Variants in PREPL observed in about 807,000 individuals in gnomAD.
PREPL encodes prolyl endopeptidase-like.
PREPL carries 77 observed loss-of-function variants against 70.6 expected under a neutral mutation model. The ratio of observed to expected loss-of-function variants is 1.09; its 90% confidence interval spans 0.91 to 1.32. PREPL has a LOEUF of 1.32. PREPL is among the 40% of genes most tolerant of loss of function. The pLI is 0.00. For synonymous variants in PREPL, 315 were observed against 264.8 expected (o/e 1.19, Z -1.84); for missense variants, 1,002 against 778.2 (o/e 1.29, Z -3.42).
At chr2:44,323,934 C>T (rs915086972) in intron 10 of PREPL, among the ~76,000 whole-genome samples, 9 of 152,054 alleles carry the variant, frequency 5.9e-5, no homozygotes, top group African/African-American at 2.2e-4. Flanking sequence ...GCATATAATC[C>T]CCAAAACTGA....
At chr2:44,334,122 C>G (rs1674397710) in intron 7 of PREPL, among the ~76,000 whole-genome samples, 1 of 152,172 alleles carries the variant, frequency 6.6e-6, no homozygotes, top group African/African-American at 2.4e-5. Context: ...CCAGCTAATG[C>G]AGATATAAGT....
chr2:44,333,863 C>G (rs1674370691), intron 7 of PREPL, among the ~76,000 whole-genome samples: 1 of 152,126 alleles, frequency 6.6e-6, no homozygotes, highest in Non-Finnish European at 1.5e-5. Flanking sequence ...TGCTACAAAC[C>G]TCATAACCAG....
intron 1 of PREPL, among the ~76,000 whole-genome samples, chr2:44,350,890 T>C (rs1016078845): frequency 3.3e-5 from 5 of 152,108 alleles, no homozygotes; most frequent in African/African-American, 1.2e-4. Context: ...GGACACCTCA[T>C]TCTCCTTGTT....
At position 44,332,505 on chromosome 2, in the gene PREPL, G is replaced by A. The variant is rs1674222628; in HGVS notation, c.1040C>T (p.Pro347Leu). Residue 347 changes from proline to leucine, a missense_variant, in exon 8 of 14, where the codon CCA (proline) becomes CTA (leucine). Transcript: ENST00000409411. ...TAAAACGCGACTAGTCTTTGTGATTGGGTCTTCATGCCCAGTTTCCTCAAA... is the reference window on the plus strand; with the variant it reads ...TAAAACGCGACTAGTCTTTGTGATTAGGTCTTCATGCCCAGTTTCCTCAAA... The part of the protein sequence containing the change: ...KLFEETGHED[P>L]ITKTSRVLRL... 4 of 1,613,946 alleles carry A rather than the reference G, an allele frequency of 2.5e-6. No homozygotes were observed. Among genetic ancestry groups the A allele is most frequent in the Non-Finnish European group, 3.4e-6 (4 of 1,179,978 alleles).
intron 1 of PREPL, among the ~76,000 whole-genome samples, chr2:44,352,487 T>A (rs1040838825): frequency 6.6e-5 from 10 of 152,134 alleles, no homozygotes; most frequent in African/African-American, 2.4e-4. Flanking sequence ...TTCTTGAACT[T>A]CTGGGCTCAA....
chr2:44,352,769 T>C (rs1159049908), intron 1 of PREPL, among the ~76,000 whole-genome samples: 3 of 151,622 alleles, frequency 2.0e-5, no homozygotes, highest in East Asian at 1.9e-4. Flanking sequence ...ACAAAAGATA[T>C]CACAAAGTGA....
chr2:44,361,689 C>T (rs528343151), upstream of PREPL: 111 of 329,868 alleles, frequency 3.4e-4, no homozygotes, highest in Non-Finnish European at 1.0e-4. Context: ...CGCTAGTCTT[C>T]TGAGCTCGAG....
rs757475421 is a variant in PREPL, at chr2:44,321,447, T to C, written c.1828-2A>G. ...CAGGAATTTAATTTGGGCTGTAATC[T>C]AAAAGAAACACATTAAAAAAATTAA... On this transcript the variant is annotated splice_acceptor_variant, in intron 13 of 13. Transcript: ENST00000409411. LOFTEE classifies it high-confidence loss of function. 1 of 1,611,136 alleles carries C rather than the reference T, an allele frequency of 6.2e-7. No homozygotes were observed. Among genetic ancestry groups the C allele is most frequent in the Non-Finnish European group, 8.5e-7 (1 of 1,177,764 alleles).
chr2:44,359,433 CTTT>C, intron 1 of PREPL: 1 of 1,246,586 alleles, frequency 8.0e-7, no homozygotes, highest in Non-Finnish European at 1.1e-6. Flanking sequence ...TCTACCCATT[CTTT>C]ATTTTTAAAT....
At chr2:44,357,284 G>C (rs1677153356) in intron 1 of PREPL, among the ~76,000 whole-genome samples, 1 of 152,176 alleles carries the variant, frequency 6.6e-6, no homozygotes, top group Non-Finnish European at 1.5e-5. Context: ...CCTAAAAGCA[G>C]TAACTACTTT....
In PREPL at chr2:44,320,754, G is replaced by T; in HGVS notation, c.*602C>A. ...CAATCATTAATTCTTCGATATTTCT[G>T]TAGCTTGAATGTAACTGCTTTAAGA... is the stretch of plus-strand genomic sequence containing the variant. On this transcript the variant is annotated 3_prime_UTR_variant, in exon 14 of 14. Coordinates refer to ENST00000409411, the MANE Select transcript of PREPL (RefSeq NM_001171613.2). 1 of 875,860 alleles carries T rather than the reference G, an allele frequency of 1.1e-6. No homozygotes were observed. Among genetic ancestry groups the T allele is most frequent in the Admixed American group, 1.9e-5 (1 of 51,326 alleles). The allele number at this position is 875,860 out of a possible 1,614,324, so 54.3% of individuals were successfully genotyped here.
Position 44,332,614 on chromosome 2 carries a change from C to T in PREPL, c.931G>A (p.Asp311Asn). The change falls in exon 8 of 14, where the codon GAC becomes AAC. Residue 311 changes from aspartate to asparagine, a missense_variant. Coordinates refer to ENST00000409411, the MANE Select transcript of PREPL (RefSeq NM_001171613.2). ...ACGFIMDTNS[D>N]PKNCPFQLCS... ...AGTTGAAAGGGGCAGTTCTTTGGGT[C>T]AGAATTTGTATCCATTATGAATCCA... The T allele has an allele frequency of 6.2e-7, 1 of 1,613,880 alleles. No individual in the cohort carries two copies. The highest frequency in any genetic ancestry group is 8.5e-7 in the Non-Finnish European group (1 of 1,179,840).
intron 6 of PREPL, 148 bp downstream of exon 6, chr2:44,338,999 G>A: frequency 7.8e-7 from 1 of 1,287,384 alleles, no homozygotes; most frequent in Non-Finnish European, 1.0e-6. Context: ...AGAGGCATTA[G>A]CTCTAAGGGA....
At position 44,333,059 on chromosome 2, in the gene PREPL, G is replaced by A. The variant is rs146397284; in HGVS notation, c.889-403C>T. On this transcript the variant is annotated intron_variant, in intron 7 of 13. Transcript: ENST00000409411. Reference sequence around the variant, plus strand: ...TCAAAGAACGTGAAATTCCTCACATGCGTGTGTTTTTCATAATTTACCCAC... The same window carrying A: ...TCAAAGAACGTGAAATTCCTCACATACGTGTGTTTTTCATAATTTACCCAC... Among the ~76,000 whole-genome samples the A allele has an allele frequency of 1.4e-3, 207 of 152,170 alleles. 1 individual carries two copies. Among genetic ancestry groups the A allele is most frequent in the African/African-American group, 4.8e-3 (198 of 41,528 alleles).
At chr2:44,339,059 C>A in intron 6 of PREPL, 88 bp downstream of exon 6, 1 of 1,539,978 alleles carries the variant, frequency 6.5e-7, no homozygotes, top group South Asian at 1.2e-5. Flanking sequence ...ATTTATAAAA[C>A]AATGAGCTCT....
At chr2:44,334,103 G>C (rs75043400) in intron 7 of PREPL, among the ~76,000 whole-genome samples, 1 of 152,136 alleles carries the variant, frequency 6.6e-6, no homozygotes, top group East Asian at 1.9e-4. Flanking sequence ...TGGACTTTTA[G>C]AAGTTCATCC....
At chr2:44,351,090 T>C (rs77244140) in intron 1 of PREPL, among the ~76,000 whole-genome samples, 1 of 110,848 alleles carries the variant, frequency 9.0e-6, no homozygotes, top group Admixed American at 8.1e-5. Context: ...CGCTGGCTAA[T>C]TTTTTTTTTT....
intron 8 of PREPL, among the ~76,000 whole-genome samples, chr2:44,331,032 T>A (rs1674032789): frequency 1.3e-5 from 2 of 152,090 alleles, no homozygotes; most frequent in South Asian, 4.1e-4. Context: ...AGCCTCAACC[T>A]CCTGGGCTCA....
At position 44,319,947 on chromosome 2, in the gene PREPL, A is replaced by C; in HGVS notation, c.*1409T>G. ...GTGGAGTCAAATTTGATCTCTACAG[A>C]AACTCTACAATGTAGCAGAGCACTG... On this transcript the variant is annotated 3_prime_UTR_variant, in exon 14 of 14. Coordinates refer to ENST00000409411, the MANE Select transcript of PREPL (RefSeq NM_001171613.2). 6 of 468,044 alleles carry C rather than the reference A, an allele frequency of 1.3e-5. No individual in the cohort carries two copies. Among genetic ancestry groups the C allele is most frequent in the South Asian group, 1.2e-4 (5 of 41,954 alleles). The allele number at this position is 468,044 out of a possible 1,614,324, so 29.0% of individuals were successfully genotyped here. A position where few individuals can be genotyped will look rare whatever the true frequency, so the allele number is the denominator to read the frequency against.
Sources: gnomAD v4.1 joint callset for allele counts (sites outside exome capture counted in the v4.1 genomes callset) on GRCh38, gnomAD v4.1.1 for gene constraint, MANE v1.5 for transcripts, NCBI Gene and HGNC (gene_info 2026-07-23, HGNC 2026-07-21) for gene names.